MAPKAP1: variants seen among roughly 807,000 people sequenced by gnomAD.
MAPKAP1 encodes target of rapamycin complex 2 subunit MAPKAP1.
MAPKAP1 carries 20 observed loss-of-function variants against 65.7 expected under a neutral mutation model. That is an observed-to-expected ratio of 0.30 (90% confidence interval 0.21 to 0.44). The LOEUF is 0.44. MAPKAP1 is among the 20% of genes least tolerant of loss of function. The pLI is 1.00. For synonymous variants in MAPKAP1, 222 were observed against 244.3 expected (o/e 0.91, Z 0.85); for missense variants, 423 against 648.0 (o/e 0.65, Z 3.77).
chr9:125,599,621 T>G (rs1198829678), intron 4 of MAPKAP1, among the ~76,000 whole-genome samples: 2 of 127,900 alleles, frequency 1.6e-5, no homozygotes, highest in Non-Finnish European at 3.3e-5. Context: ...TTTTTTTTTT[T>G]GAGATGGAGT....
At chr9:125,452,680 C>T (rs564098134) in intron 10 of MAPKAP1, among the ~76,000 whole-genome samples, 22 of 151,970 alleles carry the variant, frequency 1.4e-4, no homozygotes, top group African/African-American at 2.2e-4. Context: ...CTTTGGGAGG[C>T]CAGGAGTTTG....
intron 1 of MAPKAP1, among the ~76,000 whole-genome samples, chr9:125,698,292 T>TATATATATATA (rs1835467273): frequency 2.5e-4 from 1 of 3,964 alleles, no homozygotes; most frequent in African/African-American, 1.1e-3. Context: ...TATATAAATA[T>TATATATATATA]ATATATATAT....
Position 125,438,834 on chromosome 9 carries a change from G to T in MAPKAP1, c.*53C>A. On this transcript the variant is annotated 3_prime_UTR_variant, in exon 12 of 12. Coordinates refer to ENST00000265960, the MANE Select transcript of MAPKAP1 (RefSeq NM_001006617.3). ...CACCGGGTGGACTCTAGGGCACTTGGCCCTGGCAGGCAGGCTCTGAGCTAC... is the reference window on the plus strand; with the variant it reads ...CACCGGGTGGACTCTAGGGCACTTGTCCCTGGCAGGCAGGCTCTGAGCTAC... The T allele has an allele frequency of 6.2e-7, 1 of 1,611,276 alleles. No individual in the cohort carries two copies. Among genetic ancestry groups the T allele is most frequent in the South Asian group, 1.1e-5 (1 of 90,682 alleles).
intron 11 of MAPKAP1, among the ~76,000 whole-genome samples, chr9:125,443,549 C>T (rs1289882698): frequency 6.6e-6 from 1 of 152,158 alleles, no homozygotes; most frequent in Non-Finnish European, 1.5e-5. Flanking sequence ...CAGCATCTGG[C>T]GCTTCTTGGA....
At chr9:125,442,507 T>C (rs1256768521) in intron 11 of MAPKAP1, among the ~76,000 whole-genome samples, 1 of 148,894 alleles carries the variant, frequency 6.7e-6, no homozygotes, top group African/African-American at 2.5e-5. Context: ...AGAATCCTTC[T>C]CAAGTCTTGA....
At chr9:125,454,565 A>G (rs969166246) in intron 10 of MAPKAP1, among the ~76,000 whole-genome samples, 10 of 152,196 alleles carry the variant, frequency 6.6e-5, no homozygotes, top group African/African-American at 1.9e-4. Flanking sequence ...TTTTTTCTGT[A>G]TAAGTACTGA....
At chr9:125,578,678 G>A (rs1439190163) in intron 5 of MAPKAP1, among the ~76,000 whole-genome samples, 2 of 152,110 alleles carry the variant, frequency 1.3e-5, no homozygotes, top group African/African-American at 4.8e-5. Context: ...TACTGAAGTA[G>A]AACTGATAAT....
At chr9:125,542,596 T>C (rs1408969009) in intron 7 of MAPKAP1, among the ~76,000 whole-genome samples, 1 of 152,228 alleles carries the variant, frequency 6.6e-6, no homozygotes, top group East Asian at 1.9e-4. Flanking sequence ...ATTCGTCTTT[T>C]TTTTTTAAAG....
intron 6 of MAPKAP1, among the ~76,000 whole-genome samples, chr9:125,549,600 A>G (rs536047609): frequency 7.2e-5 from 11 of 152,308 alleles, no homozygotes; most frequent in African/African-American, 2.6e-4. Flanking sequence ...CAAAACAGAC[A>G]TTTTCCAAAA....
chr9:125,484,562 A>G lies in MAPKAP1; in HGVS notation c.1088T>C (p.Phe363Ser). 6.2e-7 allele frequency: 1 copy of G among 1,611,094 alleles called. No individual in the cohort carries two copies. Among genetic ancestry groups the G allele is most frequent in the Non-Finnish European group, 8.5e-7 (1 of 1,178,642 alleles). The change falls in exon 9 of 12, where the codon TTT becomes TCT. Residue 363 changes from phenylalanine (F) to serine (S), a missense_variant. This residue lies in a region of MAPKAP1 where 185 missense variants were observed against 268.1 expected (regional missense o/e 0.69). Coordinates refer to ENST00000265960, the MANE Select transcript of MAPKAP1 (RefSeq NM_001006617.3). ...TATGTCAATTTGCGAATCCTCCTCA[A>G]AAACCCCGTCTGCCCTTGAACCTGG... is the stretch of plus-strand genomic sequence containing the variant. ...RENSSRADGVFEEDSQIDIAT... is the reference protein window; with the variant it reads ...RENSSRADGVSEEDSQIDIAT...
intron 7 of MAPKAP1, among the ~76,000 whole-genome samples, chr9:125,534,795 CT>C (rs1426234968): frequency 6.6e-6 from 1 of 152,210 alleles, no homozygotes; most frequent in Non-Finnish European, 1.5e-5. Context: ...TCCCATCCCT[CT>C]TTACCTGCCT....
Position 125,444,574 on chromosome 9 carries a change from T to C in MAPKAP1, c.1370A>G (p.Tyr457Cys). 1 of 1,613,700 alleles carries C rather than the reference T, an allele frequency of 6.2e-7. No individual in the cohort carries two copies. Among genetic ancestry groups the C allele is most frequent in the African/African-American group, 1.3e-5 (1 of 75,050 alleles). Residue 457 changes from tyrosine (Y) to cysteine (C), a missense_variant, in exon 11 of 12, where the codon TAT becomes TGT. Physicochemically the swap from Tyr to Cys is radical, Grantham distance 194 (BLOSUM62 -2). Coordinates refer to ENST00000265960, the MANE Select transcript of MAPKAP1 (RefSeq NM_001006617.3). The part of the protein sequence containing the change: ...SPSHAIFKLT[Y>C]LSNHDYKHLY... Reference sequence around the variant, plus strand: ...GTGTTTATAGTCGTGATTGCTTAGATACGTGAGTTTAAATATTGCGTGACC... The same window carrying C: ...GTGTTTATAGTCGTGATTGCTTAGACACGTGAGTTTAAATATTGCGTGACC...
chr9:125,699,365 C>T (rs1311103617), intron 1 of MAPKAP1, among the ~76,000 whole-genome samples: 2 of 151,964 alleles, frequency 1.3e-5, no homozygotes, highest in African/African-American at 2.4e-5. Flanking sequence ...CACACCACCA[C>T]ACCAAGCTAA....
intron 6 of MAPKAP1, among the ~76,000 whole-genome samples, chr9:125,554,955 T>C (rs1034671982): frequency 2.0e-5 from 3 of 152,180 alleles, no homozygotes. Context: ...ATGTCTCATA[T>C]GAAAATCAAA....
chr9:125,659,649 T>C (rs1406574274), intron 3 of MAPKAP1, among the ~76,000 whole-genome samples: 2 of 151,562 alleles, frequency 1.3e-5, no homozygotes, highest in African/African-American at 4.9e-5. Flanking sequence ...CTCTTCTCTC[T>C]CTTCCATTGT....
At position 125,645,476 on chromosome 9, in the gene MAPKAP1, C is replaced by T. The variant is rs573473207; in HGVS notation, c.498+12175G>A. Reference sequence around the variant, plus strand: ...AATTGGCCAGGTACGGTGGCTCACGCCTATGATCCCAGCACTTTGGGAGGC... The same window carrying T: ...AATTGGCCAGGTACGGTGGCTCACGTCTATGATCCCAGCACTTTGGGAGGC... On this transcript the variant is annotated intron_variant, in intron 4 of 11. Coordinates refer to ENST00000265960, the MANE Select transcript of MAPKAP1 (RefSeq NM_001006617.3). 2.0e-5 allele frequency among the ~76,000 whole-genome samples: 3 copies of T among 152,302 alleles called. No homozygotes were observed. In the South Asian group the frequency reaches 6.2e-4, roughly 32 times the overall value.
At chr9:125,578,325 C>T (rs1296135176) in intron 5 of MAPKAP1, among the ~76,000 whole-genome samples, 2 of 151,994 alleles carry the variant, frequency 1.3e-5, no homozygotes, top group East Asian at 3.9e-4. Flanking sequence ...CCTAGGAAAA[C>T]CAGAGACCTT....
Position 125,438,859 on chromosome 9 carries a change from C to A in MAPKAP1, c.*28G>T. On this transcript the variant is annotated 3_prime_UTR_variant, in exon 12 of 12. Transcript: ENST00000265960. The stretch of plus-strand genomic sequence containing the variant: ...GCCCTGGCAGGCAGGCTCTGAGCTA[C>A]GGAACAGATTGAGGCTGGAGGCCAG... 6.2e-7 allele frequency: 1 copy of A among 1,613,824 alleles called. No homozygotes were observed. Among genetic ancestry groups the A allele is most frequent in the Non-Finnish European group, 8.5e-7 (1 of 1,179,828 alleles).
chr9:125,571,763 T>C (rs1831239295), intron 5 of MAPKAP1, among the ~76,000 whole-genome samples: 1 of 152,146 alleles, frequency 6.6e-6, no homozygotes, highest in African/African-American at 2.4e-5. Flanking sequence ...TTCGGGAGGC[T>C]GAGGAAGGAG....
Sources: gnomAD v4.1 joint callset for allele counts (sites outside exome capture counted in the v4.1 genomes callset) on GRCh38, gnomAD v4.1.1 for gene constraint, gnomAD v4.1.1 regional missense constraint, MANE v1.5 for transcripts, NCBI Gene and HGNC (gene_info 2026-07-23, HGNC 2026-07-21) for gene names.